The following TRPC5 variants were observed in gnomAD, a reference collection of about 807,000 sequenced individuals.
TRPC5 encodes short transient receptor potential channel 5.
TRPC5 carries 9 observed loss-of-function variants against 56.5 expected under a neutral mutation model. The observed-to-expected ratio is 0.16, with a 90% CI of 0.10 to 0.28. TRPC5 has a LOEUF of 0.28. Ranked by LOEUF, TRPC5 falls within the 10% of genes least tolerant of loss-of-function variation. The pLI is 1.00. For missense variants in TRPC5, 469 were observed against 748.9 expected (o/e 0.63, Z 4.36); for synonymous variants, 282 against 278.5 (o/e 1.01, Z -0.13).
chrX:111,770,263 A>G lies in TRPC5; in HGVS notation c.*6050T>C, dbSNP rs189046727. Among the ~76,000 whole-genome samples, 12 of 111,386 alleles carry G rather than the reference A, an allele frequency of 1.1e-4. No homozygotes were observed. Among genetic ancestry groups the G allele is most frequent in the Admixed American group, 2.9e-4 (3 of 10,451 alleles). ...AAATTTGAAGGAAGTGATCTTTCCA[A>G]TTGGCTAAAGTGTACATATTTATGA... On this transcript the variant is annotated 3_prime_UTR_variant, in exon 11 of 11. Transcript: ENST00000262839.
intron 1 of TRPC5, among the ~76,000 whole-genome samples, chrX:112,001,193 G>A (rs971230073): frequency 4.5e-5 from 5 of 111,626 alleles, no homozygotes; most frequent in Admixed American, 3.8e-4. Context: ...CCTGTTGTGG[G>A]AATACTGGCC....
intron 5 of TRPC5, among the ~76,000 whole-genome samples, chrX:111,849,108 T>C (rs1189296485): frequency 8.9e-6 from 1 of 112,441 alleles, no homozygotes; most frequent in Non-Finnish European, 1.9e-5. Flanking sequence ...AACAGACCTA[T>C]GTTTTAAAAC....
intron 1 of TRPC5, among the ~76,000 whole-genome samples, chrX:112,058,067 A>G (rs1177385511): frequency 9.0e-6 from 1 of 111,612 alleles, no homozygotes; most frequent in Non-Finnish European, 1.9e-5. Context: ...TGTCTTTGTG[A>G]GAGAAGGAGG....
At chrX:111,852,189 T>TGAGC in intron 5 of TRPC5, 109 bp downstream of exon 5, 1 of 736,488 alleles carries the variant, frequency 1.4e-6, no homozygotes, top group Non-Finnish European at 2.0e-6. Context: ...CCACATGGAT[T>TGAGC]GAGCCATCAT....
At chrX:111,843,164 A>G (rs1922810767) in intron 6 of TRPC5, among the ~76,000 whole-genome samples, 2 of 112,647 alleles carry the variant, frequency 1.8e-5, no homozygotes, top group Admixed American at 9.4e-5. Flanking sequence ...TTAAAAAGAT[A>G]GGATTGCTTT....
At chrX:111,900,023 A>C (rs745850958) in intron 3 of TRPC5, among the ~76,000 whole-genome samples, 1 of 111,382 alleles carries the variant, frequency 9.0e-6, no homozygotes, top group Admixed American at 9.5e-5. Flanking sequence ...AAATGTAGTG[A>C]TCTGATAGGA....
At chrX:111,992,695 C>T (rs7057276) in intron 1 of TRPC5, among the ~76,000 whole-genome samples, 16,770 of 108,387 alleles carry the variant, frequency 0.15, 2,589 homozygotes, top group African/African-American at 0.47. Flanking sequence ...TTCTGACTCC[C>T]GGGCTCAGGC....
At chrX:111,909,734 G>T (rs1252246039) in intron 3 of TRPC5, among the ~76,000 whole-genome samples, 1 of 110,961 alleles carries the variant, frequency 9.0e-6, no homozygotes, top group African/African-American at 3.3e-5. Flanking sequence ...GTAGCATAAA[G>T]ATATTGTGTA....
At chrX:112,045,478 A>G (rs1440882503) in intron 1 of TRPC5, among the ~76,000 whole-genome samples, 1 of 111,846 alleles carries the variant, frequency 8.9e-6, no homozygotes, top group African/African-American at 3.3e-5. Flanking sequence ...TGAGACAATA[A>G]ATTTATGTTG....
chrX:111,893,419 T>C (rs1353773645), intron 3 of TRPC5, among the ~76,000 whole-genome samples: 1 of 111,762 alleles, frequency 8.9e-6, no homozygotes, highest in Non-Finnish European at 1.9e-5. Flanking sequence ...CAGGTTAAGA[T>C]TGAGTGTCTA....
intron 1 of TRPC5, among the ~76,000 whole-genome samples, chrX:112,074,610 A>C (rs1368201500): frequency 9.0e-6 from 1 of 111,250 alleles, no homozygotes; most frequent in Non-Finnish European, 1.9e-5. Context: ...TCCCCACTCT[A>C]TCTCCTGGAA....
At chrX:112,001,893 A>G (rs112032983) in intron 1 of TRPC5, among the ~76,000 whole-genome samples, 10,569 of 112,103 alleles carry the variant, frequency 0.094, 781 homozygotes, top group African/African-American at 0.26. Flanking sequence ...GTTGAATAAA[A>G]AATGAATCCT....
chrX:111,918,633 G>A (rs1926041940), intron 2 of TRPC5, among the ~76,000 whole-genome samples: 1 of 111,304 alleles, frequency 9.0e-6, no homozygotes, highest in Admixed American at 9.6e-5. Context: ...AGTAGTTCAG[G>A]TGATTGCACT....
intron 2 of TRPC5, among the ~76,000 whole-genome samples, chrX:111,921,579 T>A: frequency 9.0e-6 from 1 of 111,305 alleles, no homozygotes. Flanking sequence ...TGAAAGATCT[T>A]GGACTTTCTG....
intron 1 of TRPC5, among the ~76,000 whole-genome samples, chrX:112,030,335 A>G (rs745923856): frequency 3.6e-3 from 400 of 112,628 alleles, no homozygotes; most frequent in Non-Finnish European, 6.1e-3. Context: ...AGCCTCGAAG[A>G]TATGTGACTT....
intron 1 of TRPC5, among the ~76,000 whole-genome samples, chrX:111,967,053 A>G (rs1388562916): frequency 3.6e-5 from 4 of 111,751 alleles, no homozygotes; most frequent in African/African-American, 1.3e-4. Context: ...CTGTTTGCAG[A>G]TGACATGATT....
intron 6 of TRPC5, among the ~76,000 whole-genome samples, 178 bp from the exon 7 acceptor site, chrX:111,835,294 GT>G (rs1308408592): frequency 8.9e-6 from 1 of 112,089 alleles, no homozygotes; most frequent in Non-Finnish European, 1.9e-5. Context: ...CCATTTGTTT[GT>G]TTGTTTCCAC....
intron 1 of TRPC5, among the ~76,000 whole-genome samples, chrX:112,034,853 TTC>T (rs1031883610): frequency 2.7e-5 from 3 of 109,564 alleles, no homozygotes; most frequent in Admixed American, 9.8e-5. Flanking sequence ...TTAATATCTC[TTC>T]TCGTTTTTTT....
intron 1 of TRPC5, among the ~76,000 whole-genome samples, chrX:111,963,987 G>A (rs1927477062): frequency 8.9e-6 from 1 of 112,082 alleles, no homozygotes; most frequent in Non-Finnish European, 1.9e-5. Flanking sequence ...TGACTTTGAC[G>A]AGTTGAGAGA....
Sources: gnomAD v4.1 joint callset for allele counts (sites outside exome capture counted in the v4.1 genomes callset) on GRCh38, gnomAD v4.1.1 for gene constraint, MANE v1.5 for transcripts, NCBI Gene and HGNC (gene_info 2026-07-23, HGNC 2026-07-21) for gene names.